Variants in NDST4 observed in about 807,000 individuals in gnomAD.
The protein encoded by NDST4 is N-deacetylase and N-sulfotransferase 4, also known as N-heparan sulfate sulfotransferase 4.
Under a neutral mutation model 100.8 loss-of-function variants are expected in NDST4, and 63 were observed. The ratio of observed to expected loss-of-function variants is 0.62; its 90% CI spans 0.51 to 0.77. NDST4 has a LOEUF of 0.77. NDST4 is among the 30% of genes least tolerant of loss of function. The pLI, the probability that NDST4 is intolerant of heterozygous loss-of-function variation, is 0.00. For synonymous variants in NDST4, 377 were observed against 361.8 expected (o/e 1.04, Z -0.48); for missense variants, 943 against 1,018.4 (o/e 0.93, Z 1.01).
chr4:114,949,791 A>G (rs2126231522), intron 4 of NDST4, among the ~76,000 whole-genome samples: 1 of 152,200 alleles, frequency 6.6e-6, no homozygotes, highest in Non-Finnish European at 1.5e-5. Context: ...TTTTAACTGG[A>G]CAGTTTGGCT....
intron 2 of NDST4, among the ~76,000 whole-genome samples, chr4:115,024,898 G>T (rs1727947357): frequency 6.6e-6 from 1 of 152,160 alleles, no homozygotes; most frequent in African/African-American, 2.4e-5. Flanking sequence ...CTCATGAATG[G>T]ATTAATGCTG....
At chr4:114,847,053 C>T (rs1355262169) in intron 9 of NDST4, among the ~76,000 whole-genome samples, 1 of 152,042 alleles carries the variant, frequency 6.6e-6, no homozygotes, top group Non-Finnish European at 1.5e-5. Flanking sequence ...TTGCACCTGC[C>T]CAACCCTGAT....
At chr4:115,029,116 CATT>C (rs1042787739) in intron 2 of NDST4, among the ~76,000 whole-genome samples, 4 of 152,020 alleles carry the variant, frequency 2.6e-5, no homozygotes, top group African/African-American at 9.7e-5. Context: ...GGAAATATGT[CATT>C]ATCACACTTT....
At chr4:114,982,791 A>T (rs1031459855) in intron 2 of NDST4, among the ~76,000 whole-genome samples, 1 of 152,178 alleles carries the variant, frequency 6.6e-6, no homozygotes, top group Non-Finnish European at 1.5e-5. Flanking sequence ...CCTTCACAGC[A>T]GCCCCTCCCA....
At chr4:114,832,876 C>T (rs79011239) in intron 12 of NDST4, among the ~76,000 whole-genome samples, 1 of 152,198 alleles carries the variant, frequency 6.6e-6, no homozygotes, top group African/African-American at 2.4e-5. Flanking sequence ...CTTCAACCCA[C>T]TGATCTCAGC....
chr4:114,935,324 C>A lies in NDST4; in HGVS notation c.1418G>T (p.Arg473Leu). The A allele has an allele frequency of 6.3e-7, 1 of 1,599,912 alleles. No individual in the cohort carries two copies. Among genetic ancestry groups the A allele is most frequent in the South Asian group, 1.1e-5 (1 of 88,480 alleles). The change falls in exon 6 of 14, where the codon CGA becomes CTA. Residue 473 changes from arginine to leucine, a missense_variant. By Grantham distance (102) the Arg-to-Leu change is moderately radical (BLOSUM62 -2). Around this residue, in one of 2 missense-constraint regions of NDST4, gnomAD observed 526 missense variants for 634.1 expected, o/e 0.83. Coordinates refer to ENST00000264363, the MANE Select transcript of NDST4 (RefSeq NM_022569.3). ...FIHNSIMVLP[R>L]QTCGLFTHTI... ...GTGAGTGAACAACCCACAAGTCTGT[C>A]GAGGGAGGACCTGAGTAAAAAAGGG...
At chr4:114,978,478 T>C (rs566216199) in intron 2 of NDST4, among the ~76,000 whole-genome samples, 2 of 152,200 alleles carry the variant, frequency 1.3e-5, no homozygotes, top group South Asian at 4.1e-4. Context: ...TTCAACATTA[T>C]TAAATATTAT....
At chr4:115,068,464 G>T (rs1459487236) in intron 2 of NDST4, among the ~76,000 whole-genome samples, 1 of 151,992 alleles carries the variant, frequency 6.6e-6, no homozygotes, top group Non-Finnish European at 1.5e-5. Flanking sequence ...CAAATCACTT[G>T]CTTCAAGATG....
At chr4:115,049,304 T>C (rs1728532394) in intron 2 of NDST4, among the ~76,000 whole-genome samples, 2 of 151,934 alleles carry the variant, frequency 1.3e-5, no homozygotes, top group Non-Finnish European at 2.9e-5. Flanking sequence ...AAGAGACCAG[T>C]AAGATGTCAG....
At chr4:114,992,577 CT>C (rs1266179711) in intron 2 of NDST4, among the ~76,000 whole-genome samples, 1 of 150,068 alleles carries the variant, frequency 6.7e-6, no homozygotes, top group African/African-American at 2.4e-5. Flanking sequence ...TAAAGTTGAC[CT>C]TTTGTTTCCA....
At chr4:114,831,052 C>G (rs902696792) in intron 12 of NDST4, among the ~76,000 whole-genome samples, 2 of 147,448 alleles carry the variant, frequency 1.4e-5, no homozygotes, top group Non-Finnish European at 3.0e-5. Flanking sequence ...CTGGACTTTT[C>G]TTTTTTTTTT....
intron 3 of NDST4, among the ~76,000 whole-genome samples, 193 bp downstream of exon 3, chr4:114,976,994 T>G (rs1453288991): frequency 5.3e-5 from 8 of 149,946 alleles, no homozygotes; most frequent in Non-Finnish European, 1.2e-4. Flanking sequence ...ATTCTCTTTC[T>G]CTTTTGCCCT....
intron 2 of NDST4, among the ~76,000 whole-genome samples, chr4:114,994,995 T>C (rs1411737368): frequency 6.6e-6 from 1 of 152,086 alleles, no homozygotes; most frequent in East Asian, 1.9e-4. Context: ...ATCTGATTTA[T>C]CAATATTATA....
At chr4:114,986,830 A>ATATATATATTTATTTATTTATT (rs1553959396) in intron 2 of NDST4, among the ~76,000 whole-genome samples, 1 of 91,962 alleles carries the variant, frequency 1.1e-5, no homozygotes, top group African/African-American at 4.3e-5. Flanking sequence ...ATATATATAT[A>ATATATATATTTATTTATTTATT]TATTTTAATA....
intron 6 of NDST4, among the ~76,000 whole-genome samples, chr4:114,893,758 G>A (rs775073908): frequency 6.6e-6 from 1 of 152,072 alleles, no homozygotes; most frequent in Admixed American, 6.6e-5. Flanking sequence ...GCTCTCATTT[G>A]TCAATTTTGG....
At chr4:115,111,568 AT>A (rs1198150752) in intron 1 of NDST4, among the ~76,000 whole-genome samples, 6 of 151,588 alleles carry the variant, frequency 4.0e-5, no homozygotes, top group African/African-American at 7.2e-5. Context: ...ATATATTTGC[AT>A]TTTTATTTAT....
chr4:114,960,586 T>C (rs1431262476), intron 4 of NDST4, among the ~76,000 whole-genome samples: 1 of 152,124 alleles, frequency 6.6e-6, no homozygotes, highest in Non-Finnish European at 1.5e-5. Flanking sequence ...TAAAGAATGT[T>C]GGTAAAGGTA....
chr4:115,034,531 T>G (rs1254220127), intron 2 of NDST4, among the ~76,000 whole-genome samples: 1 of 152,108 alleles, frequency 6.6e-6, no homozygotes, highest in Non-Finnish European at 1.5e-5. Context: ...ACATTTGAAG[T>G]GCCTGTTATA....
intron 2 of NDST4, among the ~76,000 whole-genome samples, chr4:115,059,254 AT>A (rs1254086128): frequency 6.6e-6 from 1 of 152,076 alleles, no homozygotes; most frequent in African/African-American, 2.4e-5. Context: ...TGGAAGGGAC[AT>A]TAAGTTAGGT....
Sources: gnomAD v4.1 joint callset for allele counts (sites outside exome capture counted in the v4.1 genomes callset) on GRCh38, gnomAD v4.1.1 for gene constraint, gnomAD v4.1.1 regional missense constraint, MANE v1.5 for transcripts, NCBI Gene and HGNC (gene_info 2026-07-23, HGNC 2026-07-21) for gene names.